TAF3: variants seen among roughly 807,000 people sequenced by gnomAD.
TAF3 encodes the protein transcription initiation factor TFIID subunit 3.
In TAF3, 7 loss-of-function variants were observed where a neutral mutation model predicts 80.6. The observed-to-expected ratio is 0.09, with a 90% CI of 0.05 to 0.16. The LOEUF (loss-of-function observed/expected upper bound fraction) is 0.16, where lower values mean the gene tolerates loss of function less well. Among genes scored for constraint, TAF3 ranks in the 10% least tolerant of loss-of-function variants. The pLI, the probability that TAF3 is intolerant of heterozygous loss-of-function variation, is 1.00. For synonymous variants in TAF3, 444 were observed against 446.1 expected, an observed-to-expected ratio of 1.00 and a Z score of 0.06; for missense variants, 921 against 1,140.2, an observed-to-expected ratio of 0.81 and a Z score of 2.77.
intron 4 of TAF3, among the ~76,000 whole-genome samples, chr10:7,998,838 CAAAAAAAAAA>C (rs879774272): frequency 2.0e-5 from 2 of 99,636 alleles, no homozygotes; most frequent in South Asian, 3.0e-4. Flanking sequence ...GACTCCATCT[CAAAAAAAAAA>C]AGAAAAAAAA....
chr10:7,884,114 A>G (rs1303917939), intron 2 of TAF3, among the ~76,000 whole-genome samples: 5 of 152,150 alleles, frequency 3.3e-5, no homozygotes, highest in African/African-American at 4.8e-5. Flanking sequence ...CCGCCTCTCA[A>G]TACTGCCACA....
chr10:7,898,660 G>A (rs533854904), intron 2 of TAF3, among the ~76,000 whole-genome samples: 1 of 151,814 alleles, frequency 6.6e-6, no homozygotes, highest in South Asian at 2.1e-4. Context: ...AGCTCTTCAA[G>A]CACTGGGTTC....
intron 2 of TAF3, among the ~76,000 whole-genome samples, chr10:7,921,131 T>C (rs895166296): frequency 2.6e-5 from 4 of 152,046 alleles, no homozygotes; most frequent in Non-Finnish European, 5.9e-5. Flanking sequence ...TGCAATGCCA[T>C]ATTATATATT....
At chr10:7,826,132 A>T (rs11255386) in intron 2 of TAF3, among the ~76,000 whole-genome samples, 25,910 of 152,134 alleles carry the variant, frequency 0.17, 2,669 homozygotes, top group East Asian at 0.52. Flanking sequence ...CTGGACAGCT[A>T]CTGGACCTAA....
intron 4 of TAF3, 97 bp from the exon 5 acceptor site, chr10:8,008,981 C>G: frequency 6.8e-7 from 1 of 1,465,154 alleles, no homozygotes; most frequent in Non-Finnish European, 9.2e-7. Context: ...TATTTCGCTA[C>G]TGGAAGAAAA....
chr10:7,909,603 T>C (rs997101804), intron 2 of TAF3, among the ~76,000 whole-genome samples: 11 of 152,194 alleles, frequency 7.2e-5, no homozygotes, highest in African/African-American at 2.7e-4. Context: ...GGGTGATGAA[T>C]TAAAGTTTAG....
chr10:7,845,503 G>C lies in TAF3; in HGVS notation c.409+20943G>C, dbSNP rs368034928. Among the ~76,000 whole-genome samples the C allele has an allele frequency of 6.6e-5, 10 of 152,256 alleles. No homozygotes were observed. The East Asian group carries it at 1.5e-3, about 23-fold the overall frequency. On this transcript the variant is annotated intron_variant, in intron 2 of 6. Transcript: ENST00000344293. ...AATGCACTGAAATGATTTGGTTTGG[G>C]TGGTTCTGTTAGTCACGAAAGGGTA...
At position 8,016,375 on chromosome 10, in the gene TAF3, A is replaced by G. The variant is rs888535793; in HGVS notation, c.*1624A>G. On this transcript the variant is annotated 3_prime_UTR_variant, in exon 7 of 7. Transcript: ENST00000344293. ...TTTCTGCCATGAATGTTAAGTTGCA[A>G]ATCAGTGGAAATGGAGTCGACCTCT... 2 of 152,302 alleles carry G rather than the reference A, an allele frequency of 1.3e-5. No individual in the cohort carries two copies. Among genetic ancestry groups the G allele is most frequent in the Middle Eastern group, 3.4e-3 (1 of 294 alleles). 9.4% of individuals were successfully genotyped at this position (152,302 alleles called of 1,614,324 possible).
intron 2 of TAF3, among the ~76,000 whole-genome samples, chr10:7,848,733 G>T (rs954762249): frequency 6.6e-6 from 1 of 152,152 alleles, no homozygotes; most frequent in Admixed American, 6.5e-5. Flanking sequence ...GTCCTCAGTG[G>T]TATTAAAGAA....
Position 7,818,564 on chromosome 10 carries a change from G to C in TAF3, c.-146G>C. ...TCAGGCTGGCGCGCTCCGTGCTGCT[G>C]GGGCTTTGAGGTGGTCGCCGGGGGT... On this transcript the variant is annotated 5_prime_UTR_variant, in exon 1 of 7. Transcript: ENST00000344293. 1.2e-6 allele frequency: 1 copy of C among 820,912 alleles called. No homozygotes were observed. The highest frequency in any genetic ancestry group is 1.8e-6 in the Non-Finnish European group (1 of 566,914). 50.9% of individuals were successfully genotyped at this position (820,912 alleles called of 1,614,324 possible).
chr10:7,881,095 G>T (rs1463703684), intron 2 of TAF3, among the ~76,000 whole-genome samples: 1 of 152,078 alleles, frequency 6.6e-6, no homozygotes, highest in Non-Finnish European at 1.5e-5. Flanking sequence ...AATTAGCCAG[G>T]TGTGGTGGTG....
At chr10:7,900,951 G>C (rs912004021) in intron 2 of TAF3, among the ~76,000 whole-genome samples, 1 of 8,066 alleles carries the variant, frequency 1.2e-4, no homozygotes, top group Non-Finnish European at 3.8e-4. Context: ...TTTTTTAAAT[G>C]GGTGCTTCTT....
chr10:7,850,686 A>AAAT (rs1554777157), intron 2 of TAF3, among the ~76,000 whole-genome samples: 34 of 150,632 alleles, frequency 2.3e-4, no homozygotes, highest in African/African-American at 4.4e-4. Context: ...AAAAAAAAAA[A>AAAT]ATATATATGT....
At chr10:7,826,747 C>T (rs192983575) in intron 2 of TAF3, among the ~76,000 whole-genome samples, 1,604 of 152,234 alleles carry the variant, frequency 0.011, 24 homozygotes, top group African/African-American at 0.037. Flanking sequence ...CTTGTCAAAA[C>T]GTTCTCCTCT....
At position 7,964,904 on chromosome 10, in the gene TAF3, C is replaced by A. The variant is rs1831553612; in HGVS notation, c.1394C>A (p.Thr465Lys). The A allele has an allele frequency of 1.2e-6, 2 of 1,614,164 alleles. No homozygotes were observed. Among genetic ancestry groups the A allele is most frequent in the Non-Finnish European group, 1.7e-6 (2 of 1,180,038 alleles). The stretch of plus-strand genomic sequence containing the variant: ...ACCTCAAGTTCCGATAACTCATGGA[C>A]AATGGATGCCTCCATTGATGAGGTT... The part of the protein sequence containing the change: ...GGTSSSDNSW[T>K]MDASIDEVVR... Residue 465 changes from threonine to lysine, a missense_variant, in exon 3 of 7, where the codon ACA becomes AAA. Around this residue, in one of 6 missense-constraint regions of TAF3, gnomAD observed 743 missense variants for 821.0 expected, o/e 0.90. Coordinates refer to ENST00000344293, the MANE Select transcript of TAF3 (RefSeq NM_031923.4). This position sits in a 1 kb window ranked among gnomAD's most constrained non-coding sequence, Gnocchi z 4.1.
At chr10:7,838,685 C>T (rs1836877674) in intron 2 of TAF3, among the ~76,000 whole-genome samples, 3 of 152,036 alleles carry the variant, frequency 2.0e-5, no homozygotes, top group African/African-American at 7.2e-5. Context: ...CCTGGCCAAG[C>T]TGGTTTTCTT....
intron 2 of TAF3, among the ~76,000 whole-genome samples, chr10:7,892,878 C>T (rs1263183094): frequency 3.4e-5 from 5 of 146,652 alleles, no homozygotes; most frequent in Admixed American, 2.8e-4. Flanking sequence ...AGTGCAATGG[C>T]GTGTGATCTT....
At chr10:7,837,478 A>G (rs564023322) in intron 2 of TAF3, among the ~76,000 whole-genome samples, 11 of 151,968 alleles carry the variant, frequency 7.2e-5, no homozygotes, top group Non-Finnish European at 1.5e-4. Context: ...CCTCGTCTCT[A>G]CTAAAAATAC....
chr10:7,946,078 C>T (rs1223159245), intron 2 of TAF3, among the ~76,000 whole-genome samples: 2 of 152,288 alleles, frequency 1.3e-5, no homozygotes, highest in East Asian at 1.9e-4. Flanking sequence ...GCCACCCTCT[C>T]GGGTCATCCA....
Sources: allele counts gnomAD v4.1 joint callset (sites outside exome capture counted in the v4.1 genomes callset), GRCh38; gene constraint gnomAD v4.1.1; regional missense constraint gnomAD v4.1.1; non-coding constraint Gnocchi (gnomAD v3.1); transcripts MANE v1.5; gene names NCBI Gene and HGNC (gene_info 2026-07-23, HGNC 2026-07-21).